WDR44: variants seen among roughly 807,000 people sequenced by gnomAD.
WDR44 encodes WD repeat domain 44.
WDR44 carries 9 observed loss-of-function variants against 65.7 expected under a neutral mutation model. The observed-to-expected ratio is 0.14, with a 90% CI of 0.08 to 0.24. WDR44 has a LOEUF of 0.24. Ranked by LOEUF, WDR44 falls within the 10% of genes least tolerant of loss-of-function variation. The pLI is 1.00. For missense variants in WDR44, 425 were observed against 670.9 expected (o/e 0.63, Z 4.05); for synonymous variants, 220 against 235.2 (o/e 0.94, Z 0.59).
intron 1 of WDR44, among the ~76,000 whole-genome samples, chrX:118,357,552 A>G (rs1351843909): frequency 1.8e-5 from 2 of 111,384 alleles, no homozygotes; most frequent in African/African-American, 6.5e-5. Context: ...TTAGAATGCT[A>G]GTTTTTATTT....
rs771976629 is a variant in WDR44 at position 118,421,282 on chromosome X, T to C, written c.1737+10323T>C. ...GCGCTTATTTCAGCAATCCTACTTA[T>C]AGATCCTCAGCTACATCCATCTAAC... On this transcript the variant is annotated intron_variant, in intron 12 of 19. Coordinates refer to ENST00000254029, the MANE Select transcript of WDR44 (RefSeq NM_019045.5). Among the ~76,000 whole-genome samples the C allele has an allele frequency of 2.7e-5, 3 of 112,373 alleles. No individual in the cohort carries two copies. In the East Asian group the frequency reaches 8.3e-4, roughly 31 times the overall value.
In WDR44 at chrX:118,407,016, G is replaced by A; in HGVS notation, c.1523G>A (p.Gly508Asp). The A allele has an allele frequency of 2.5e-6, 3 of 1,203,352 alleles. No homozygotes were observed. Among genetic ancestry groups the A allele is most frequent in the Non-Finnish European group, 3.4e-6 (3 of 892,250 alleles). The change falls in exon 10 of 20, where the codon GGT (glycine) becomes GAT (aspartate). Residue 508 changes from glycine (G) to aspartate (D), a missense_variant. Gly to Asp is a moderately conservative substitution (Grantham distance 94, BLOSUM62 -1). Around this residue, in one of 5 missense-constraint regions of WDR44, gnomAD observed 77 missense variants for 183.5 expected, o/e 0.42. Transcript: ENST00000254029. ...ATCAAAGTGGTGCAAGATCTTAGTG[G>A]TGAACATATGGTAAGCAACTTTTTC... is the stretch of plus-strand genomic sequence containing the variant. ...DQIKVVQDLS[G>D]EHMGAVWTMK...
intron 2 of WDR44, among the ~76,000 whole-genome samples, chrX:118,384,537 G>A (rs1231680804): frequency 8.9e-6 from 1 of 111,856 alleles, no homozygotes; most frequent in Non-Finnish European, 1.9e-5. Flanking sequence ...ATTGGTCTGT[G>A]TGTCTCTTTT....
chrX:118,389,109 T>C (rs1251949072), intron 3 of WDR44, among the ~76,000 whole-genome samples: 1 of 112,059 alleles, frequency 8.9e-6, no homozygotes, highest in Non-Finnish European at 1.9e-5. Context: ...GAGAAAACAC[T>C]GTGGAGCAGA....
rs1289349202 is a variant in WDR44, at chrX:118,424,323, G to GTGTGTATATATATATA, written c.1738-8457_1738-8456insGTGTATATATATATAT. ...TGTATATATATATATGTGTGTGTGT[G>GTGTGTATATATATATA]TATATATATATATATATATATATAT... On this transcript the variant is annotated intron_variant, in intron 12 of 19. Transcript: ENST00000254029. 6.4e-3 allele frequency among the ~76,000 whole-genome samples: 419 copies of GTGTGTATATATATATA among 65,492 alleles called. 18 individuals carry two copies. Among genetic ancestry groups the GTGTGTATATATATATA allele is most frequent in the African/African-American group, 0.038 (381 of 10,039 alleles). The allele number at this position is 65,492 out of a possible 115,157, so 56.9% of individuals were successfully genotyped here.
rs185547730 is a variant in WDR44, at chrX:118,414,127, G to A, written c.1737+3168G>A. Among the ~76,000 whole-genome samples the A allele has an allele frequency of 2.0e-4, 22 of 110,525 alleles. No individual in the cohort carries two copies. In the South Asian group the frequency reaches 8.1e-3, roughly 41 times the overall value. On this transcript the variant is annotated intron_variant, in intron 12 of 19. Coordinates refer to ENST00000254029, the MANE Select transcript of WDR44 (RefSeq NM_019045.5). The stretch of plus-strand genomic sequence containing the variant: ...CAGTAAGTGTGACGCCTCCGTATTT[G>A]TTCTTTTGCTTAGTCTTGCTTTGGC...
intron 1 of WDR44, among the ~76,000 whole-genome samples, chrX:118,352,324 A>T (rs1391353617): frequency 3.3e-4 from 4 of 12,034 alleles, no homozygotes; most frequent in African/African-American, 1.8e-3. Flanking sequence ...TAATTTATAT[A>T]TATATATATA....
chrX:118,442,162 C>G lies in WDR44; in HGVS notation c.2167-82C>G. ...GCTCAAGCAGTCCTCCTGCCTCAGCCTCCTGAGTAGCTAGAGTTACAGATA... is the reference window on the plus strand; with the variant it reads ...GCTCAAGCAGTCCTCCTGCCTCAGCGTCCTGAGTAGCTAGAGTTACAGATA... On this transcript the variant is annotated intron_variant, in intron 15 of 19. Coordinates refer to ENST00000254029, the MANE Select transcript of WDR44 (RefSeq NM_019045.5). The G allele has an allele frequency of 4.6e-6, 4 of 868,601 alleles. No homozygotes were observed. In the South Asian group the frequency reaches 8.8e-5, roughly 19 times the overall value. 71.6% of individuals were successfully genotyped at this position (868,601 alleles called of 1,213,427 possible).
intron 1 of WDR44, among the ~76,000 whole-genome samples, chrX:118,360,195 A>G (rs915740929): frequency 3.6e-5 from 4 of 111,789 alleles, no homozygotes; most frequent in Admixed American, 9.5e-5. Context: ...CTTAGATGCC[A>G]TTTCTTCAAT....
chrX:118,429,841 C>G, intron 12 of WDR44, among the ~76,000 whole-genome samples: 1 of 110,413 alleles, frequency 9.1e-6, no homozygotes. Context: ...TGGAGTTTCA[C>G]CATGTTGGCC....
intron 10 of WDR44, among the ~76,000 whole-genome samples, chrX:118,409,103 G>T (rs923601946): frequency 9.0e-6 from 1 of 111,201 alleles, no homozygotes; most frequent in Non-Finnish European, 1.9e-5. Flanking sequence ...TTAAACTTTG[G>T]CTTTAAAGTA....
Position 118,392,972 on chromosome X carries a change from T to C in WDR44, c.527T>C (p.Leu176Ser). 8.3e-7 allele frequency: 1 copy of C among 1,211,966 alleles called. No individual in the cohort carries two copies. Among genetic ancestry groups the C allele is most frequent in the South Asian group, 1.8e-5 (1 of 57,002 alleles). The change falls in exon 4 of 20, where the codon TTG becomes TCG. Residue 176 changes from leucine to serine, a missense_variant. Physicochemically the swap from Leu to Ser is moderately radical, Grantham distance 145. Coordinates refer to ENST00000254029, the MANE Select transcript of WDR44 (RefSeq NM_019045.5). ...GTGCTTGAAACTGAAACAGAAGTAT[T>C]GAACAAGGAAGCAGTGGAAGTCAAA... is the stretch of plus-strand genomic sequence containing the variant. ...LNVLETETEV[L>S]NKEAVEVKGG...
intron 2 of WDR44, among the ~76,000 whole-genome samples, chrX:118,383,215 T>A (rs951708675): frequency 1.8e-5 from 2 of 112,160 alleles, no homozygotes; most frequent in African/African-American, 6.5e-5. Context: ...GAGAGTTTTG[T>A]TAAAGCCAAA....
In WDR44 at chrX:118,411,660, T is replaced by G. The variant is rs184007098; in HGVS notation, c.1737+701T>G. ...TCCCACTGTTTCTTCTTCCATCTCC[T>G]TACATTTACTGTTTCTCAGGGTCTG... On this transcript the variant is annotated intron_variant, in intron 12 of 19. Coordinates refer to ENST00000254029, the MANE Select transcript of WDR44 (RefSeq NM_019045.5). Among the ~76,000 whole-genome samples, 73 of 112,212 alleles carry G rather than the reference T, an allele frequency of 6.5e-4. No individual in the cohort carries two copies. In the East Asian group the frequency reaches 0.014, roughly 22 times the overall value.
intron 19 of WDR44, among the ~76,000 whole-genome samples, chrX:118,444,730 G>T (rs575037951): frequency 9.0e-6 from 1 of 111,109 alleles, no homozygotes; most frequent in East Asian, 2.9e-4. Flanking sequence ...CTCCCAAGTA[G>T]CTGGGACTAT....
At position 118,436,835 on chromosome X, in the gene WDR44, A is replaced by G. The variant is rs139984501; in HGVS notation, c.1974+11A>G. On this transcript the variant is annotated intron_variant, in intron 14 of 19. Coordinates refer to ENST00000254029, the MANE Select transcript of WDR44 (RefSeq NM_019045.5). ...GCTTTTCATCCAAGAGTAAGTAACTATTTATACATGTTTTTGTTAACCTCT... is the reference window on the plus strand; with the variant it reads ...GCTTTTCATCCAAGAGTAAGTAACTGTTTATACATGTTTTTGTTAACCTCT... The G allele has an allele frequency of 2.9e-5, 33 of 1,155,863 alleles. No homozygotes were observed. Among genetic ancestry groups the G allele is most frequent in the Middle Eastern group, 4.9e-4 (2 of 4,064 alleles).
rs751276519 is a variant in WDR44 at position 118,423,950 on chromosome X, A to T, written c.1738-8831A>T. Among the ~76,000 whole-genome samples the T allele has an allele frequency of 5.4e-5, 6 of 111,470 alleles. No homozygotes were observed. The South Asian group carries it at 2.2e-3, about 41-fold the overall frequency. On this transcript the variant is annotated intron_variant, in intron 12 of 19. Transcript: ENST00000254029. ...GCCAGGATTTTCTTTTTATGACTGA[A>T]TAGTATTCTGTTGTGTGTATATGCC...
intron 19 of WDR44, among the ~76,000 whole-genome samples, chrX:118,445,562 A>G (rs2057339014): frequency 8.9e-6 from 1 of 112,374 alleles, no homozygotes; most frequent in Admixed American, 9.5e-5. Context: ...TAATTTTTCT[A>G]CTTGCCACAA....
intron 14 of WDR44, among the ~76,000 whole-genome samples, chrX:118,439,857 CTCCTATAA>C (rs756059405): frequency 1.8e-4 from 19 of 108,249 alleles, no homozygotes; most frequent in Non-Finnish European, 3.1e-4. Context: ...TGGTGGCTCA[CTCCTATAA>C]TCCCAGCACT....
Sources: allele counts gnomAD v4.1 joint callset (sites outside exome capture counted in the v4.1 genomes callset), GRCh38; gene constraint gnomAD v4.1.1; regional missense constraint gnomAD v4.1.1; transcripts MANE v1.5; gene names NCBI Gene and HGNC (gene_info 2026-07-23, HGNC 2026-07-21).